The following PPM1E variants were observed in gnomAD, a reference collection of about 807,000 sequenced individuals.
The protein encoded by PPM1E is protein phosphatase 1E.
A neutral mutation model predicts 65.9 loss-of-function variants in PPM1E; 20 were observed. The observed-to-expected ratio is 0.30, with a 90% confidence interval of 0.21 to 0.44. The LOEUF is 0.44. Among genes scored for constraint, PPM1E ranks in the 20% least tolerant of loss-of-function variants. PPM1E has a pLI of 1.00. For synonymous variants in PPM1E, 352 were observed against 374.9 expected, an observed-to-expected ratio of 0.94 and a Z score of 0.70; for missense variants, 713 against 953.1, an observed-to-expected ratio of 0.75 and a Z score of 3.32.
Position 58,775,002 on chromosome 17 carries a change from G to A in PPM1E, c.464+18541G>A, listed in dbSNP as rs142779878. On this transcript the variant is annotated intron_variant, in intron 1 of 6. Transcript: ENST00000308249. ...TGAGTAGCTGGGACTACAGGCACAC[G>A]CCACCAGGCCCAGCTAATTTTTGTA... Among the ~76,000 whole-genome samples, 358 of 152,072 alleles carry A rather than the reference G, an allele frequency of 2.4e-3. 3 individuals carry two copies. Among genetic ancestry groups the A allele is most frequent in the African/African-American group, 8.3e-3 (345 of 41,518 alleles).
intron 1 of PPM1E, among the ~76,000 whole-genome samples, chr17:58,839,616 T>G (rs111737623): frequency 1.3e-5 from 2 of 152,052 alleles, no homozygotes; most frequent in Admixed American, 6.6e-5. Context: ...CATTGAACAA[T>G]AAGAAAATAG....
chr17:58,905,493 TATG>T (rs2051548063), intron 1 of PPM1E, among the ~76,000 whole-genome samples: 2 of 152,138 alleles, frequency 1.3e-5, no homozygotes, highest in African/African-American at 4.8e-5. Flanking sequence ...AGCCTTTTGA[TATG>T]ATAGATTACA....
chr17:58,904,623 C>T lies in PPM1E; in HGVS notation c.465-51026C>T, dbSNP rs531480829. Among the ~76,000 whole-genome samples, 36 of 152,224 alleles carry T rather than the reference C, an allele frequency of 2.4e-4. No homozygotes were observed. The South Asian group carries it at 7.1e-3, about 30-fold the overall frequency. On this transcript the variant is annotated intron_variant, in intron 1 of 6. Coordinates refer to ENST00000308249, the MANE Select transcript of PPM1E (RefSeq NM_014906.5). ...AACTGGCATCTTGACAATATTGAGT[C>T]TCCCAATCCATGAATATGAAATATT...
Position 58,982,544 on chromosome 17 carries a change from C to A in PPM1E, c.*1513C>A. Reference sequence around the variant, plus strand: ...TAGTACACGTTCCCCAGGCCCATAACAGAGGACTAAAATCTCTGAATTTTA... The same window carrying A: ...TAGTACACGTTCCCCAGGCCCATAAAAGAGGACTAAAATCTCTGAATTTTA... On this transcript the variant is annotated 3_prime_UTR_variant, in exon 7 of 7. Transcript: ENST00000308249. The A allele has an allele frequency of 4.4e-6, 1 of 225,960 alleles. No homozygotes were observed. The highest frequency in any genetic ancestry group is 5.2e-5 in the Admixed American group (1 of 19,176). 14.0% of individuals were successfully genotyped at this position (225,960 alleles called of 1,614,324 possible).
At chr17:58,979,528 G>A (rs1001686918) in intron 6 of PPM1E, among the ~76,000 whole-genome samples, 1 of 152,184 alleles carries the variant, frequency 6.6e-6, no homozygotes, top group Non-Finnish European at 1.5e-5. Context: ...AATGATCAGA[G>A]CTTTGGTTTG....
chr17:58,784,021 G>T (rs1161588973), intron 1 of PPM1E, among the ~76,000 whole-genome samples: 7 of 150,332 alleles, frequency 4.7e-5, no homozygotes, highest in African/African-American at 1.7e-4. Flanking sequence ...TGTTTTTTTT[G>T]TTTTGTTTTG....
chr17:58,836,284 T>A (rs1458610250), intron 1 of PPM1E, among the ~76,000 whole-genome samples: 2 of 151,916 alleles, frequency 1.3e-5, no homozygotes, highest in African/African-American at 4.8e-5. Context: ...GAACTATATA[T>A]AATATTAAGA....
chr17:58,838,712 C>A (rs975352208), intron 1 of PPM1E, among the ~76,000 whole-genome samples: 2 of 152,156 alleles, frequency 1.3e-5, no homozygotes, highest in African/African-American at 4.8e-5. Flanking sequence ...TACGTCCACA[C>A]AGAAACCTGC....
At chr17:58,873,823 C>T (rs1260054884) in intron 1 of PPM1E, among the ~76,000 whole-genome samples, 4 of 146,850 alleles carry the variant, frequency 2.7e-5, no homozygotes, top group African/African-American at 1.0e-4. Context: ...GTCTTGAACT[C>T]TGAGCTTAAG....
At chr17:58,911,998 G>T (rs2051632613) in intron 1 of PPM1E, among the ~76,000 whole-genome samples, 1 of 152,120 alleles carries the variant, frequency 6.6e-6, no homozygotes, top group Admixed American at 6.6e-5. Context: ...AGGAGAGAAG[G>T]ATTTTTTATC....
chr17:58,857,925 A>G (rs2050899834), intron 1 of PPM1E, among the ~76,000 whole-genome samples: 1 of 152,108 alleles, frequency 6.6e-6, no homozygotes, highest in Non-Finnish European at 1.5e-5. Context: ...GCTACTCCCT[A>G]CATATTATGC....
At chr17:58,769,441 AC>A (rs1471655581) in intron 1 of PPM1E, among the ~76,000 whole-genome samples, 1 of 152,118 alleles carries the variant, frequency 6.6e-6, no homozygotes, top group African/African-American at 2.4e-5. Context: ...CCAAAAAAAT[AC>A]AAAAATTAGC....
chr17:58,935,962 C>T (rs896364238), intron 1 of PPM1E, among the ~76,000 whole-genome samples: 4 of 151,456 alleles, frequency 2.6e-5, no homozygotes, highest in Non-Finnish European at 5.9e-5. Flanking sequence ...CTAATGCTAT[C>T]TCTCCCCCCT....
chr17:58,963,565 TG>T (rs951824632), intron 2 of PPM1E, among the ~76,000 whole-genome samples: 4 of 151,184 alleles, frequency 2.6e-5, no homozygotes, highest in Admixed American at 1.3e-4. Flanking sequence ...AAAAATTAGC[TG>T]GGCGTGGTGG....
chr17:58,780,458 A>G (rs1205395231), intron 1 of PPM1E, among the ~76,000 whole-genome samples: 2 of 152,102 alleles, frequency 1.3e-5, no homozygotes, highest in African/African-American at 2.4e-5. Flanking sequence ...TTCAATTTTA[A>G]TTTTTGCCAA....
intron 1 of PPM1E, among the ~76,000 whole-genome samples, chr17:58,859,795 A>G (rs1278196613): frequency 6.6e-6 from 1 of 152,214 alleles, no homozygotes; most frequent in African/African-American, 2.4e-5. Context: ...CATGTTTCCC[A>G]AGATCTAAAC....
At chr17:58,797,128 G>A (rs1244018215) in intron 1 of PPM1E, among the ~76,000 whole-genome samples, 1 of 151,946 alleles carries the variant, frequency 6.6e-6, no homozygotes, top group Non-Finnish European at 1.5e-5. Flanking sequence ...AATAAAGTAA[G>A]TTGCAAAGTT....
intron 1 of PPM1E, among the ~76,000 whole-genome samples, chr17:58,938,788 T>C (rs1252219907): frequency 7.7e-6 from 1 of 129,718 alleles, no homozygotes; most frequent in Non-Finnish European, 1.6e-5. Flanking sequence ...ACACTAATTC[T>C]TTTTTTTTTT....
At chr17:58,940,847 G>A (rs1413293698) in intron 1 of PPM1E, among the ~76,000 whole-genome samples, 1 of 152,084 alleles carries the variant, frequency 6.6e-6, no homozygotes, top group Admixed American at 6.6e-5. Flanking sequence ...CGTAGCTGGG[G>A]TTACAGGTGT....
Sources: allele counts gnomAD v4.1 joint callset (sites outside exome capture counted in the v4.1 genomes callset), GRCh38; gene constraint gnomAD v4.1.1; transcripts MANE v1.5; gene names NCBI Gene and HGNC (gene_info 2026-07-23, HGNC 2026-07-21).